Variants in MALRD1 observed in about 807,000 individuals in gnomAD.
MALRD1 encodes MAM and LDL receptor class A domain containing 1.
Under a neutral mutation model 242.1 loss-of-function variants are expected in MALRD1, and 247 were observed. The observed-to-expected ratio is 1.02, with a 90% confidence interval of 0.92 to 1.13. The LOEUF (loss-of-function observed/expected upper bound fraction) is 1.13, where lower values mean the gene tolerates loss of function less well. Ranked by LOEUF, MALRD1 falls within the 50% of genes most tolerant of loss-of-function variation. MALRD1 has a pLI of 0.00. For synonymous variants in MALRD1, 995 were observed against 866.6 expected (o/e 1.15, Z -2.60); for missense variants, 2,989 against 2,533.1 (o/e 1.18, Z -3.86).
chr10:19,431,405 A>G (rs1834122090), intron 28 of MALRD1, among the ~76,000 whole-genome samples: 1 of 152,212 alleles, frequency 6.6e-6, no homozygotes, highest in Admixed American at 6.5e-5. Flanking sequence ...AATACAAAAT[A>G]GCTTTTCTAT....
intron 34 of MALRD1, among the ~76,000 whole-genome samples, chr10:19,598,675 A>T (rs967559667): frequency 3.9e-5 from 6 of 152,054 alleles, no homozygotes; most frequent in Non-Finnish European, 5.9e-5. Context: ...TGTATATATA[A>T]AGCTCAGGAG....
intron 28 of MALRD1, among the ~76,000 whole-genome samples, chr10:19,412,124 C>T (rs982787843): frequency 3.9e-5 from 6 of 152,110 alleles, no homozygotes; most frequent in Non-Finnish European, 8.8e-5. Flanking sequence ...CATGGTGAAA[C>T]CCTGTCTCTA....
At chr10:19,559,426 C>T (rs993816264) in intron 32 of MALRD1, among the ~76,000 whole-genome samples, 3 of 151,974 alleles carry the variant, frequency 2.0e-5, no homozygotes, top group South Asian at 2.1e-4. Flanking sequence ...AAATTTTCCT[C>T]TAAGCACTGC....
intron 33 of MALRD1, among the ~76,000 whole-genome samples, chr10:19,574,070 GA>G (rs1201615440): frequency 1.3e-5 from 2 of 152,052 alleles, no homozygotes; most frequent in Admixed American, 6.6e-5. Flanking sequence ...ACAAAATAAA[GA>G]ATAAAATTCT....
At position 19,430,218 on chromosome 10, in the gene MALRD1, C is replaced by T. The variant is rs1834070161; in HGVS notation, c.4846-20089C>T. 2.9e-5 allele frequency among the ~76,000 whole-genome samples: 4 copies of T among 139,030 alleles called. No homozygotes were observed. The South Asian group carries it at 9.4e-4, about 33-fold the overall frequency. 91.2% of individuals were successfully genotyped at this position (139,030 alleles called of 152,430 possible). A position where few individuals can be genotyped will look rare whatever the true frequency, so the allele number is the denominator to read the frequency against. The stretch of plus-strand genomic sequence containing the variant: ...CAAGCTTTGCCTCCTGGGTTCATGC[C>T]ATTCTTCTGCCTGAGCCTCCCAAGT... On this transcript the variant is annotated intron_variant, in intron 28 of 39. Transcript: ENST00000454679.
intron 25 of MALRD1, among the ~76,000 whole-genome samples, chr10:19,351,385 T>C (rs1410900249): frequency 1.3e-5 from 2 of 152,166 alleles, no homozygotes; most frequent in African/African-American, 4.8e-5. Context: ...AAAATACTTT[T>C]TATTAATTTT....
chr10:19,626,373 A>G (rs890139839), intron 36 of MALRD1, among the ~76,000 whole-genome samples: 7 of 151,514 alleles, frequency 4.6e-5, no homozygotes, highest in African/African-American at 1.7e-4. Context: ...GTTTTAGCCA[A>G]AGGTACAAGC....
chr10:19,553,178 C>A (rs1272652754), intron 32 of MALRD1, among the ~76,000 whole-genome samples: 1 of 151,874 alleles, frequency 6.6e-6, no homozygotes, highest in Non-Finnish European at 1.5e-5. Context: ...AAGGTGCAGC[C>A]CTCAAGAAAC....
chr10:19,067,044 T>G (rs1835002680), intron 2 of MALRD1, among the ~76,000 whole-genome samples, 185 bp downstream of exon 2: 1 of 152,226 alleles, frequency 6.6e-6, no homozygotes, highest in Non-Finnish European at 1.5e-5. Flanking sequence ...ATGCATTCTT[T>G]AACCAGTTTC....
At chr10:19,053,369 A>G (rs1454070107) in intron 1 of MALRD1, among the ~76,000 whole-genome samples, 1 of 152,202 alleles carries the variant, frequency 6.6e-6, no homozygotes, top group Non-Finnish European at 1.5e-5. Context: ...AACTGGAACA[A>G]AAAGAAACTT....
chr10:19,493,796 G>A (rs1410921473), intron 30 of MALRD1, among the ~76,000 whole-genome samples: 2 of 151,734 alleles, frequency 1.3e-5, no homozygotes, highest in Non-Finnish European at 2.9e-5. Context: ...CTGGGCGACA[G>A]AGTGAGACTC....
chr10:19,108,007 GC>G (rs1836529337), intron 5 of MALRD1, among the ~76,000 whole-genome samples: 2 of 152,014 alleles, frequency 1.3e-5, no homozygotes, highest in Admixed American at 1.3e-4. Flanking sequence ...CAGACTTTGG[GC>G]TTTGTGGATA....
intron 36 of MALRD1, among the ~76,000 whole-genome samples, chr10:19,631,446 A>C (rs968661244): frequency 2.6e-5 from 4 of 152,168 alleles, no homozygotes; most frequent in African/African-American, 9.7e-5. Context: ...ATAGTGCTAT[A>C]ATGAACATAC....
chr10:19,658,548 T>A (rs910290153), intron 36 of MALRD1, among the ~76,000 whole-genome samples: 4 of 151,998 alleles, frequency 2.6e-5, no homozygotes, highest in Non-Finnish European at 4.4e-5. Context: ...ATTAGAGAGA[T>A]CTTTATATTA....
chr10:19,547,384 C>G (rs1030310163), intron 32 of MALRD1, among the ~76,000 whole-genome samples: 1 of 152,056 alleles, frequency 6.6e-6, no homozygotes, highest in African/African-American at 2.4e-5. Flanking sequence ...ATGTCCAACA[C>G]CCAGTCACTA....
intron 18 of MALRD1, among the ~76,000 whole-genome samples, chr10:19,232,226 G>C (rs767922119): frequency 1.3e-5 from 2 of 152,128 alleles, no homozygotes; most frequent in Middle Eastern, 3.4e-3. Context: ...GAGTGTAGTG[G>C]TAAGATCTCT....
intron 33 of MALRD1, among the ~76,000 whole-genome samples, chr10:19,586,268 A>C (rs1186582132): frequency 1.3e-5 from 2 of 152,104 alleles, no homozygotes; most frequent in Non-Finnish European, 2.9e-5. Context: ...GTTGCTGGTG[A>C]GGAACTGTGT....
intron 33 of MALRD1, among the ~76,000 whole-genome samples, chr10:19,591,514 T>A (rs974012251): frequency 3.3e-5 from 5 of 151,488 alleles, no homozygotes; most frequent in Non-Finnish European, 5.9e-5. Flanking sequence ...TTTTTTTTTT[T>A]TTTGACCAAG....
At chr10:19,436,817 T>C (rs1834368379) in intron 28 of MALRD1, among the ~76,000 whole-genome samples, 1 of 152,200 alleles carries the variant, frequency 6.6e-6, no homozygotes, top group Non-Finnish European at 1.5e-5. Flanking sequence ...GCTGTTAAGT[T>C]GTATGAGTTT....
Sources: gnomAD v4.1 joint callset for allele counts (sites outside exome capture counted in the v4.1 genomes callset) on GRCh38, gnomAD v4.1.1 for gene constraint, MANE v1.5 for transcripts, NCBI Gene and HGNC (gene_info 2026-07-23, HGNC 2026-07-21) for gene names.